MAP3K15: variants seen among roughly 807,000 people sequenced by gnomAD.
MAP3K15 encodes the protein mitogen-activated protein kinase kinase kinase 15.
A neutral mutation model predicts 99.5 loss-of-function variants in MAP3K15; 124 were observed. The ratio of observed to expected loss-of-function variants is 1.25; its 90% CI spans 1.08 to 1.45. The LOEUF (loss-of-function observed/expected upper bound fraction) is 1.45. MAP3K15 is among the 40% of genes most tolerant of loss of function. MAP3K15 has a pLI of 0.00. For missense variants in MAP3K15, 1,242 were observed against 1,079.7 expected, an observed-to-expected ratio of 1.15 and a Z score of -2.11; for synonymous variants, 494 against 439.6, an observed-to-expected ratio of 1.12 and a Z score of -1.55.
chrX:19,483,678 T>G (rs2064306204), intron 3 of MAP3K15, among the ~76,000 whole-genome samples: 1 of 111,224 alleles, frequency 9.0e-6, no homozygotes, highest in Non-Finnish European at 1.9e-5. Flanking sequence ...AGGTGTCTGA[T>G]TCCAGGGTCA....
chrX:19,447,446 C>T (rs769340758), intron 6 of MAP3K15, among the ~76,000 whole-genome samples: 56 of 112,014 alleles, frequency 5.0e-4, no homozygotes, highest in African/African-American at 1.8e-3. Flanking sequence ...CACACTGAAA[C>T]ACAACTGTTC....
At chrX:19,478,892 G>A (rs374697331) in intron 3 of MAP3K15, among the ~76,000 whole-genome samples, 1 of 100,988 alleles carries the variant, frequency 9.9e-6, no homozygotes, top group African/African-American at 3.6e-5. Context: ...AATTCCTTCT[G>A]CAAGTGTTGG....
At chrX:19,418,633 A>G (rs148270004) in intron 9 of MAP3K15, among the ~76,000 whole-genome samples, 3,721 of 111,481 alleles carry the variant, frequency 0.033, 176 homozygotes, top group African/African-American at 0.12. Context: ...TATCTAGGAG[A>G]ACTTCCCCAA....
rs184977371 is a variant in MAP3K15, at chrX:19,435,270, G to C, written c.996-3662C>G. Among the ~76,000 whole-genome samples, 804 of 106,188 alleles carry C rather than the reference G, an allele frequency of 7.6e-3. 8 individuals carry two copies. The highest frequency in any genetic ancestry group is 0.028 in the Middle Eastern group (6 of 211). 92.2% of individuals were successfully genotyped at this position (106,188 alleles called of 115,157 possible). ...TTTCTCTTTGAGACAGGGTCGCCCA[G>C]GCTGGAGTGCAGTGGTACGATCTCG... On this transcript the variant is annotated intron_variant, in intron 6 of 28. Transcript: ENST00000338883.
intron 13 of MAP3K15, among the ~76,000 whole-genome samples, chrX:19,402,145 A>G (rs1348267717): frequency 9.7e-6 from 1 of 102,647 alleles, no homozygotes; most frequent in African/African-American, 4.0e-5. Flanking sequence ...TTTTTTTTAA[A>G]TTAGCCAGGT....
intron 7 of MAP3K15, among the ~76,000 whole-genome samples, chrX:19,426,587 C>T (rs929302186): frequency 3.6e-5 from 4 of 110,007 alleles, no homozygotes; most frequent in Admixed American, 2.0e-4. Context: ...GGCCGAGGCA[C>T]GTGGACCACT....
intron 1 of MAP3K15, among the ~76,000 whole-genome samples, chrX:19,495,754 A>G (rs2064397019): frequency 9.0e-6 from 1 of 111,676 alleles, no homozygotes. Flanking sequence ...GCAAATACAT[A>G]TTGTTCTTCC....
At position 19,395,157 on chromosome X, in the gene MAP3K15, G is replaced by A; in HGVS notation, c.2118C>T (p.His706=). The part of the protein sequence containing the change: ...EEIALHKYLK[H]RNIVQYLGSV... The stretch of plus-strand genomic sequence containing the variant: ...AGCCCAGGTACTGAACGATATTGCG[G>A]TGCTTAAGGTACTTGTGCAGGGCTA... Residue 706 remains histidine, a synonymous_variant, in exon 16 of 29, where the codon CAC becomes CAT. Transcript: ENST00000338883. 8.3e-7 allele frequency: 1 copy of A among 1,208,799 alleles called. No individual in the cohort carries two copies. Among genetic ancestry groups the A allele is most frequent in the African/African-American group, 1.7e-5 (1 of 57,481 alleles).
intron 19 of MAP3K15, among the ~76,000 whole-genome samples, chrX:19,376,431 G>T (rs2063418008): frequency 9.1e-6 from 1 of 109,593 alleles, no homozygotes; most frequent in East Asian, 2.9e-4. Flanking sequence ...GAGCATGTGT[G>T]TCCAAATCTC....
At chrX:19,498,610 C>T (rs941196403) in intron 1 of MAP3K15, among the ~76,000 whole-genome samples, 1 of 112,099 alleles carries the variant, frequency 8.9e-6, no homozygotes, top group Non-Finnish European at 1.9e-5. Flanking sequence ...AGAAAGGCCA[C>T]TGCATCAAGG....
At chrX:19,489,700 C>T (rs928048483) in intron 1 of MAP3K15, among the ~76,000 whole-genome samples, 2 of 110,677 alleles carry the variant, frequency 1.8e-5, no homozygotes, top group Non-Finnish European at 3.8e-5. Context: ...ATGAGTCTGC[C>T]GCCACCTTGA....
Position 19,360,819 on chromosome X carries a change from C to T in MAP3K15, c.3872G>A (p.Cys1291Tyr), listed in dbSNP as rs747270244. 5.0e-6 allele frequency: 6 copies of T among 1,201,717 alleles called. No homozygotes were observed. Among genetic ancestry groups the T allele is most frequent in the African/African-American group, 3.5e-5 (2 of 56,780 alleles). Residue 1291 changes from cysteine (C) to tyrosine (Y), a missense_variant, in exon 29 of 29, where the codon TGC (cysteine) becomes TAC (tyrosine). By Grantham distance (194) the Cys-to-Tyr change is radical (BLOSUM62 -2). Transcript: ENST00000338883. ...CTGGGAGACCGCACTCCAGAGTCTG[C>T]AGAGGAGACCACCCCTGGGAAACAA... The part of the protein sequence containing the change: ...RYLRLRGGLL[C>Y]RLWSAVSQYR...
At chrX:19,412,985 C>A (rs759378725) in intron 11 of MAP3K15, among the ~76,000 whole-genome samples, 1 of 110,222 alleles carries the variant, frequency 9.1e-6, no homozygotes, top group Non-Finnish European at 1.9e-5. Context: ...AGCAACCCGC[C>A]TGCCTTGGCC....
intron 3 of MAP3K15, among the ~76,000 whole-genome samples, chrX:19,476,691 C>G (rs1395258670): frequency 2.7e-5 from 3 of 112,028 alleles, no homozygotes; most frequent in Non-Finnish European, 5.6e-5. Context: ...AACTGTATAA[C>G]AATTTCAACA....
intron 9 of MAP3K15, among the ~76,000 whole-genome samples, chrX:19,422,785 C>G (rs1243487180): frequency 9.0e-6 from 1 of 111,711 alleles, no homozygotes; most frequent in South Asian, 3.8e-4. Context: ...AGCCAAATGT[C>G]CAACAACGAT....
chrX:19,432,376 T>C (rs1307375163), intron 6 of MAP3K15, among the ~76,000 whole-genome samples: 3 of 109,341 alleles, frequency 2.7e-5, no homozygotes, highest in Non-Finnish European at 5.7e-5. Context: ...CCAGCCTGGC[T>C]AACATGGTGA....
intron 19 of MAP3K15, among the ~76,000 whole-genome samples, chrX:19,377,123 A>G (rs952233517): frequency 1.7e-4 from 19 of 112,054 alleles, no homozygotes; most frequent in Non-Finnish European, 2.4e-4. Flanking sequence ...CACTGCCCAG[A>G]AGTTTCTTGA....
intron 9 of MAP3K15, among the ~76,000 whole-genome samples, chrX:19,419,605 C>T (rs1311918930): frequency 1.8e-5 from 2 of 111,083 alleles, no homozygotes; most frequent in African/African-American, 6.6e-5. Context: ...CTTTAACACC[C>T]CACTGTCAAC....
intron 13 of MAP3K15, among the ~76,000 whole-genome samples, chrX:19,402,977 T>C (rs1421242798): frequency 9.0e-6 from 1 of 111,499 alleles, no homozygotes; most frequent in Non-Finnish European, 1.9e-5. Context: ...TGAATATTAT[T>C]TTAAGGGAAA....
Sources: allele counts gnomAD v4.1 joint callset (sites outside exome capture counted in the v4.1 genomes callset), GRCh38; gene constraint gnomAD v4.1.1; transcripts MANE v1.5; gene names NCBI Gene and HGNC (gene_info 2026-07-23, HGNC 2026-07-21).